The following FLCN variants were observed in gnomAD, a reference collection of about 807,000 sequenced individuals.
FLCN encodes the protein BHD skin lesion fibrofolliculoma protein.
In FLCN, 22 loss-of-function variants were observed where a neutral mutation model predicts 62.5. That is an observed-to-expected ratio of 0.35 (90% CI 0.25 to 0.50). The LOEUF (loss-of-function observed/expected upper bound fraction) is 0.50, where lower values mean the gene tolerates loss of function less well. Among genes scored for constraint, FLCN ranks in the 20% least tolerant of loss-of-function variants. The pLI is 0.97. For synonymous variants in FLCN, 319 were observed against 310.0 expected (o/e 1.03, Z -0.30); for missense variants, 657 against 778.0 (o/e 0.84, Z 1.85).
chr17:17,213,255 G>C lies in FLCN; in HGVS notation c.*400C>G, dbSNP rs1460342428. The C allele has an allele frequency of 2.5e-6, 1 of 403,166 alleles. No homozygotes were observed. Among genetic ancestry groups the C allele is most frequent in the Non-Finnish European group, 4.6e-6 (1 of 215,726 alleles). 25.0% of individuals were successfully genotyped at this position (403,166 alleles called of 1,614,324 possible). On this transcript the variant is annotated 3_prime_UTR_variant, in exon 14 of 14. Transcript: ENST00000285071. Reference sequence around the variant, plus strand: ...CCAGAAACTCTTGCTGAATTTCAAAGTAGAAACGCTTGAATGTTAACCTCG... The same window carrying C: ...CCAGAAACTCTTGCTGAATTTCAAACTAGAAACGCTTGAATGTTAACCTCG...
At position 17,222,491 on chromosome 17, in the gene FLCN, C is replaced by T. The variant is rs376357696; in HGVS notation, c.779+10G>A. ...CTAACAGATATGCCAAAAGCAGAGA[C>T]GCCCGTTACCAGGCAAAGGAGGTGT... On this transcript the variant is annotated intron_variant, in intron 7 of 13. Coordinates refer to ENST00000285071, the MANE Select transcript of FLCN (RefSeq NM_144997.7). 27 of 1,614,068 alleles carry T rather than the reference C, an allele frequency of 1.7e-5. No homozygotes were observed. The highest frequency in any genetic ancestry group is 1.2e-4 in the South Asian group (11 of 91,090).
chr17:17,223,168 A>G (rs1471904202), intron 6 of FLCN: 3 of 241,822 alleles, frequency 1.2e-5, no homozygotes, highest in African/African-American at 6.7e-5. Flanking sequence ...ATCTCGGCTC[A>G]CTACAACCTC....
In FLCN at chr17:17,213,691, C is replaced by T. The variant is rs147554296; in HGVS notation, c.1704G>A (p.Thr568=). Residue 568 remains threonine (T), a synonymous_variant, in exon 14 of 14, where the codon ACG becomes ACA. Transcript: ENST00000285071. The part of the protein sequence containing the change: ...SKTYKSHLMS[T]VRSPTASESR... ...ACTCCGAGGCTGTGGGGCTGCGGAC[C>T]GTGGACATGAGGTGTGACTTGTAGG... is the stretch of plus-strand genomic sequence containing the variant. 58 of 1,614,050 alleles carry T rather than the reference C, an allele frequency of 3.6e-5. No individual in the cohort carries two copies. Among genetic ancestry groups the T allele is most frequent in the African/African-American group, 2.3e-4 (17 of 74,928 alleles).
intron 4 of FLCN, among the ~76,000 whole-genome samples, chr17:17,226,856 G>A (rs187763773): frequency 0.013 from 1,977 of 152,254 alleles, 21 homozygotes; most frequent in Middle Eastern, 0.024. Flanking sequence ...CTGCTGCCCC[G>A]CTGCCCCGCT....
chr17:17,235,700 A>G (rs545968403), intron 1 of FLCN: 1 of 152,280 alleles, frequency 6.6e-6, no homozygotes, highest in African/African-American at 2.4e-5. Context: ...CGCATTACAC[A>G]TGGAATCAGA....
chr17:17,224,687 C>T (rs1200303390), intron 5 of FLCN: 1 of 169,934 alleles, frequency 5.9e-6, no homozygotes, highest in African/African-American at 2.4e-5. Flanking sequence ...AAGAGTGTGC[C>T]ACCACGCCTG....
At chr17:17,230,247 G>A (rs2047380296) in intron 3 of FLCN, among the ~76,000 whole-genome samples, 1 of 152,172 alleles carries the variant, frequency 6.6e-6, no homozygotes, top group Admixed American at 6.5e-5. Flanking sequence ...CGGCACAGTG[G>A]CTCATGCCTG....
intron 11 of FLCN, among the ~76,000 whole-genome samples, chr17:17,215,852 T>C (rs538816939): frequency 6.6e-6 from 1 of 152,270 alleles, no homozygotes; most frequent in East Asian, 1.9e-4. Flanking sequence ...AAGTCACTGA[T>C]GAGCCTGGGG....
chr17:17,228,296 AG>A (rs1222628196), intron 3 of FLCN, 135 bp from the exon 4 acceptor site: 1 of 1,090,312 alleles, frequency 9.2e-7, no homozygotes, highest in African/African-American at 1.6e-5. Flanking sequence ...CCAGTTCCCC[AG>A]CCCCCTGCCA....
chr17:17,224,212 C>A, intron 5 of FLCN, 69 bp from the exon 6 acceptor site: 1 of 1,385,084 alleles, frequency 7.2e-7, no homozygotes, highest in Non-Finnish European at 1.0e-6. Flanking sequence ...GCCTCTTCTT[C>A]AGACTTTTCA....
At chr17:17,226,417 T>C (rs1364883701) in intron 4 of FLCN, 95 bp from the exon 5 acceptor site, 2 of 1,471,404 alleles carry the variant, frequency 1.4e-6, no homozygotes, top group Admixed American at 1.7e-5. Context: ...AAACTCAAGC[T>C]ATTTTTGTAA....
chr17:17,212,498 AAAAG>A lies in FLCN; in HGVS notation c.*1153_*1156del. 5.9e-6 allele frequency: 1 copy of A among 169,902 alleles called. No homozygotes were observed. The highest frequency in any genetic ancestry group is 2.4e-5 in the African/African-American group (1 of 41,620). The allele number at this position is 169,902 out of a possible 1,614,324, so 10.5% of individuals were successfully genotyped here. Reference sequence around the variant, plus strand: ...TTTAAAAAAAAAAAAAAAAAAAAAAAAAAGGGCCAGGCACAGTGGCTCACGCTTG... The same window carrying A: ...TTTAAAAAAAAAAAAAAAAAAAAAAAGGCCAGGCACAGTGGCTCACGCTTG... On this transcript the variant is annotated 3_prime_UTR_variant, in exon 14 of 14. Transcript: ENST00000285071.
chr17:17,234,635 G>C (rs571895847), intron 1 of FLCN, among the ~76,000 whole-genome samples: 8 of 149,168 alleles, frequency 5.4e-5, no homozygotes, highest in Non-Finnish European at 1.2e-4. Flanking sequence ...CCTAAGGTCA[G>C]GAGTTTGTGA....
At chr17:17,217,463 T>G (rs1331530722) in intron 9 of FLCN, 1 of 490,528 alleles carries the variant, frequency 2.0e-6, no homozygotes, top group East Asian at 3.9e-5. Flanking sequence ...ATGTTAACTT[T>G]GTGCAATATT....
At chr17:17,224,265 G>A (rs528590708) in intron 5 of FLCN, 122 bp from the exon 6 acceptor site, 152 of 866,426 alleles carry the variant, frequency 1.8e-4, no homozygotes, top group African/African-American at 8.8e-4. Flanking sequence ...AACGGGGAGA[G>A]TGGCACAGTG....
At chr17:17,221,457 T>C in intron 8 of FLCN, 80 bp downstream of exon 8, 2 of 1,613,902 alleles carry the variant, frequency 1.2e-6, no homozygotes, top group Non-Finnish European at 8.5e-7. Flanking sequence ...CCCTCAGCGA[T>C]TCCTGCCAGG....
At chr17:17,222,303 CAG>C (rs1041102588) in intron 7 of FLCN, among the ~76,000 whole-genome samples, 196 bp downstream of exon 7, 6 of 152,174 alleles carry the variant, frequency 3.9e-5, no homozygotes, top group African/African-American at 1.4e-4. Context: ...TCAGCACACT[CAG>C]GGGAAGAGGC....
intron 1 of FLCN, among the ~76,000 whole-genome samples, chr17:17,233,210 C>T (rs772706547): frequency 9.9e-5 from 15 of 152,060 alleles, no homozygotes; most frequent in African/African-American, 2.7e-4. Flanking sequence ...CCCAACACTT[C>T]GGGAGGCCAA....
intron 9 of FLCN, 55 bp downstream of exon 9, chr17:17,218,964 G>A: frequency 6.3e-7 from 1 of 1,594,692 alleles, no homozygotes; most frequent in Non-Finnish European, 8.6e-7. Context: ...GGCAGGGACA[G>A]CCCATGACTG....
Sources: allele counts gnomAD v4.1 joint callset (sites outside exome capture counted in the v4.1 genomes callset), GRCh38; gene constraint gnomAD v4.1.1; transcripts MANE v1.5; gene names NCBI Gene and HGNC (gene_info 2026-07-23, HGNC 2026-07-21).